TENM4: variants seen among roughly 807,000 people sequenced by gnomAD.
The protein encoded by TENM4 is teneurin transmembrane protein 4, also known as teneurin-4.
In TENM4, 82 loss-of-function variants were observed where a neutral mutation model predicts 243.3. The observed-to-expected ratio is 0.34, with a 90% CI of 0.28 to 0.40. The LOEUF is 0.40. Ranked by LOEUF, TENM4 falls within the 10% of genes least tolerant of loss-of-function variation. The pLI is 1.00. For synonymous variants in TENM4, 1,412 were observed against 1,456.3 expected (o/e 0.97, Z 0.69); for missense variants, 3,138 against 3,673.3 (o/e 0.85, Z 3.77).
intron 4 of TENM4, among the ~76,000 whole-genome samples, chr11:79,112,854 C>T (rs1173047754): frequency 2.0e-5 from 3 of 152,152 alleles, no homozygotes; most frequent in African/African-American, 7.2e-5. Flanking sequence ...CCATCCTCTC[C>T]CCACCCTTCA....
At chr11:78,813,219 T>A (rs994053622) in intron 13 of TENM4, among the ~76,000 whole-genome samples, 2 of 152,214 alleles carry the variant, frequency 1.3e-5, no homozygotes, top group Non-Finnish European at 2.9e-5. Flanking sequence ...CATGGCATAG[T>A]ACTTGCAGGG....
chr11:79,409,960 T>A (rs1399420049), intron 1 of TENM4, among the ~76,000 whole-genome samples: 5 of 152,124 alleles, frequency 3.3e-5, no homozygotes, highest in Non-Finnish European at 5.9e-5. Context: ...GGGTATCCAA[T>A]CTTTTGGCTT....
At chr11:78,861,847 T>C (rs1450748022) in intron 10 of TENM4, among the ~76,000 whole-genome samples, 1 of 152,220 alleles carries the variant, frequency 6.6e-6, no homozygotes, top group African/African-American at 2.4e-5. Flanking sequence ...ATGTGCTGAC[T>C]GAAGGGTCAC....
At chr11:78,954,170 G>C (rs992113387) in intron 6 of TENM4, among the ~76,000 whole-genome samples, 1 of 152,222 alleles carries the variant, frequency 6.6e-6, no homozygotes, top group Non-Finnish European at 1.5e-5. Context: ...TGAGCTCAAA[G>C]CACCCAGCTC....
intron 1 of TENM4, among the ~76,000 whole-genome samples, chr11:79,371,494 C>A (rs1857785849): frequency 6.6e-6 from 1 of 152,192 alleles, no homozygotes; most frequent in African/African-American, 2.4e-5. Context: ...AAACACAGTG[C>A]TCACCATTGG....
chr11:79,075,821 C>A (rs528693931), intron 4 of TENM4, among the ~76,000 whole-genome samples: 1 of 152,342 alleles, frequency 6.6e-6, no homozygotes, highest in East Asian at 1.9e-4. Context: ...CTTCTCCAAG[C>A]AAAACCTGAG....
chr11:79,125,229 C>A (rs776032911), intron 4 of TENM4, among the ~76,000 whole-genome samples: 15 of 152,064 alleles, frequency 9.9e-5, no homozygotes, highest in Non-Finnish European at 2.2e-4. Flanking sequence ...ATACCTAATA[C>A]TTTTGAACAT....
chr11:78,906,155 A>C (rs1314757229), intron 6 of TENM4, among the ~76,000 whole-genome samples: 1 of 152,234 alleles, frequency 6.6e-6, no homozygotes, highest in South Asian at 2.1e-4. Flanking sequence ...AGTTTCTGCT[A>C]TGTATTGGAG....
At chr11:78,902,133 G>T (rs1231635132) in intron 7 of TENM4, among the ~76,000 whole-genome samples, 4 of 152,202 alleles carry the variant, frequency 2.6e-5, no homozygotes, top group Non-Finnish European at 1.5e-5. Flanking sequence ...TAGGGTAGAA[G>T]ATAAAGTGGT....
At chr11:79,093,317 T>G (rs1309399337) in intron 4 of TENM4, 1 of 152,258 alleles carries the variant, frequency 6.6e-6, no homozygotes, top group Non-Finnish European at 1.5e-5. Flanking sequence ...TTGGGAGGGC[T>G]TTTGCTGATG....
At chr11:78,998,482 A>C (rs558488718) in intron 6 of TENM4, among the ~76,000 whole-genome samples, 2 of 152,262 alleles carry the variant, frequency 1.3e-5, no homozygotes, top group Admixed American at 1.3e-4. Context: ...AAGTTTGACA[A>C]AATTGACAAA....
rs371310207 is a variant in TENM4 at position 78,805,422 on chromosome 11, T to C, written c.2049A>G (p.Gly683=). The C allele has an allele frequency of 6.2e-5, 99 of 1,603,014 alleles. No individual in the cohort carries two copies. The highest frequency in any genetic ancestry group is 8.2e-5 in the Non-Finnish European group (96 of 1,174,928). Residue 683 remains glycine (G), a synonymous_variant, in exon 15 of 34, where the codon GGA becomes GGG. Coordinates refer to ENST00000278550, the MANE Select transcript of TENM4 (RefSeq NM_001098816.3). The part of the protein sequence containing the change: ...CVRGECHCSV[G]WGGTNCETPR... ...GGGTCTCGCAGTTGGTGCCTCCCCA[T>C]CCCACAGAGCAGTGGCATTCGCCTC...
chr11:79,075,067 T>A (rs1333532101), intron 4 of TENM4, among the ~76,000 whole-genome samples: 1 of 152,246 alleles, frequency 6.6e-6, no homozygotes, highest in East Asian at 1.9e-4. Context: ...TACTTTCTGT[T>A]GGCTTTCAGC....
At chr11:79,232,390 C>A (rs1250533810) in intron 2 of TENM4, among the ~76,000 whole-genome samples, 2 of 152,232 alleles carry the variant, frequency 1.3e-5, no homozygotes, top group African/African-American at 4.8e-5. Flanking sequence ...GCAGCCCCAG[C>A]CTGTGCCCCT....
At chr11:79,002,291 C>G (rs897259562) in intron 6 of TENM4, among the ~76,000 whole-genome samples, 4 of 152,234 alleles carry the variant, frequency 2.6e-5, no homozygotes, top group African/African-American at 9.6e-5. Context: ...TGTGAGTACT[C>G]TGCCCCAGCC....
intron 2 of TENM4, among the ~76,000 whole-genome samples, chr11:79,247,642 C>A (rs916027593): frequency 1.3e-5 from 2 of 152,174 alleles, no homozygotes; most frequent in Non-Finnish European, 1.5e-5. Context: ...ATTTATTCTA[C>A]AGCAACAGAA....
At chr11:78,958,300 C>T (rs1376512833) in intron 6 of TENM4, among the ~76,000 whole-genome samples, 1 of 152,114 alleles carries the variant, frequency 6.6e-6, no homozygotes, top group Non-Finnish European at 1.5e-5. Flanking sequence ...TTTTAAAGCC[C>T]CTTTGCTTTA....
intron 15 of TENM4, among the ~76,000 whole-genome samples, chr11:78,801,133 G>C (rs932714289): frequency 1.3e-5 from 2 of 152,172 alleles, no homozygotes; most frequent in Non-Finnish European, 2.9e-5. Flanking sequence ...AAGGGGGCAT[G>C]AGGCAAGAGC....
At chr11:79,068,262 C>T (rs1370228572) in intron 5 of TENM4, 1 of 152,236 alleles carries the variant, frequency 6.6e-6, no homozygotes, top group Non-Finnish European at 1.5e-5. Context: ...TCTCATCAAT[C>T]CTCACCACCT....
Sources: allele counts gnomAD v4.1 joint callset (sites outside exome capture counted in the v4.1 genomes callset), GRCh38; gene constraint gnomAD v4.1.1; transcripts MANE v1.5; gene names NCBI Gene and HGNC (gene_info 2026-07-23, HGNC 2026-07-21).